CACNA2D3: variants seen among roughly 807,000 people sequenced by gnomAD.
CACNA2D3 encodes voltage-dependent calcium channel subunit alpha-2/delta-3.
In CACNA2D3, 60 loss-of-function variants were observed where a neutral mutation model predicts 160.6. That is an observed-to-expected ratio of 0.37 (90% CI 0.30 to 0.46). CACNA2D3 has a LOEUF of 0.46. Among genes scored for constraint, CACNA2D3 ranks in the 20% least tolerant of loss-of-function variants. CACNA2D3 has a pLI of 1.00. For missense variants in CACNA2D3, 1,205 were observed against 1,365.0 expected (o/e 0.88, Z 1.85); for synonymous variants, 558 against 492.9 (o/e 1.13, Z -1.75).
intron 3 of CACNA2D3, among the ~76,000 whole-genome samples, chr3:54,350,629 T>G (rs1005390050): frequency 1.3e-5 from 2 of 152,196 alleles, no homozygotes; most frequent in Non-Finnish European, 2.9e-5. Flanking sequence ...TCTAGAAGTT[T>G]CAAGATGATG....
At chr3:54,830,245 G>C (rs1395373198) in intron 14 of CACNA2D3, among the ~76,000 whole-genome samples, 1 of 151,180 alleles carries the variant, frequency 6.6e-6, no homozygotes. Flanking sequence ...GCCCAGCCCA[G>C]ATTCTGGTTA....
At chr3:55,036,292 C>A (rs1288647166) in intron 35 of CACNA2D3, among the ~76,000 whole-genome samples, 1 of 151,818 alleles carries the variant, frequency 6.6e-6, no homozygotes, top group East Asian at 2.0e-4. Flanking sequence ...ATTAAAAATA[C>A]CAGAATTAGC....
At chr3:55,068,226 A>G (rs572625940) in intron 35 of CACNA2D3, among the ~76,000 whole-genome samples, 1 of 152,300 alleles carries the variant, frequency 6.6e-6, no homozygotes, top group South Asian at 2.1e-4. Flanking sequence ...GCAGCCACAC[A>G]TTTATCTGTG....
chr3:54,588,751 G>A (rs9848802), intron 9 of CACNA2D3, among the ~76,000 whole-genome samples: 12,994 of 152,030 alleles, frequency 0.085, 1,800 homozygotes, highest in African/African-American at 0.3. Context: ...TATATAGGCT[G>A]TATTTGCTGA....
intron 2 of CACNA2D3, among the ~76,000 whole-genome samples, chr3:54,309,358 A>G (rs1337331067): frequency 6.6e-6 from 1 of 152,254 alleles, no homozygotes; most frequent in African/African-American, 2.4e-5. Flanking sequence ...GTTTTATACC[A>G]TAGAGCTACA....
intron 2 of CACNA2D3, among the ~76,000 whole-genome samples, chr3:54,192,953 G>A (rs555959723): frequency 2.1e-4 from 32 of 152,292 alleles, no homozygotes; most frequent in African/African-American, 7.0e-4. Context: ...AATGTTAACC[G>A]CAGCCCAGCA....
In CACNA2D3 at chr3:54,548,428, T is replaced by C. The variant is rs1030220344; in HGVS notation, c.545-14372T>C. The stretch of plus-strand genomic sequence containing the variant: ...GGAGGGAGGAGCCTTTTTCCACCCA[T>C]GGTTCAAGCAAGAGATCAAGATTTC... On this transcript the variant is annotated intron_variant, in intron 5 of 37. Transcript: ENST00000474759. Among the ~76,000 whole-genome samples, 6 of 152,160 alleles carry C rather than the reference T, an allele frequency of 3.9e-5. No homozygotes were observed. In the South Asian group the frequency reaches 1.2e-3, roughly 32 times the overall value.
At chr3:55,059,852 TCTC>T (rs1704462291) in intron 35 of CACNA2D3, among the ~76,000 whole-genome samples, 1 of 151,984 alleles carries the variant, frequency 6.6e-6, no homozygotes, top group Admixed American at 6.6e-5. Flanking sequence ...CCACACCCGT[TCTC>T]CTCTCCAACC....
intron 35 of CACNA2D3, among the ~76,000 whole-genome samples, chr3:55,067,683 C>T (rs1704693736): frequency 1.3e-5 from 2 of 152,074 alleles, no homozygotes; most frequent in African/African-American, 4.8e-5. Context: ...GGTGTGTAAC[C>T]TTCCTGACCT....
chr3:54,282,789 AG>A (rs1702910665), intron 2 of CACNA2D3, among the ~76,000 whole-genome samples: 1 of 152,194 alleles, frequency 6.6e-6, no homozygotes, highest in Admixed American at 6.5e-5. Flanking sequence ...AGAGAATAAA[AG>A]ACATCACTTT....
At chr3:54,929,967 C>T (rs112349812) in intron 27 of CACNA2D3, among the ~76,000 whole-genome samples, 64 of 152,242 alleles carry the variant, frequency 4.2e-4, no homozygotes, top group African/African-American at 1.4e-3. Context: ...CTCTCTCTTT[C>T]CCTGGGGTCA....
chr3:54,541,725 T>C (rs902762284), intron 5 of CACNA2D3, among the ~76,000 whole-genome samples: 2 of 152,152 alleles, frequency 1.3e-5, no homozygotes, highest in African/African-American at 4.8e-5. Flanking sequence ...TCATGAAGGA[T>C]GAAGAAAGAC....
chr3:54,330,013 T>C (rs747267736), intron 3 of CACNA2D3, among the ~76,000 whole-genome samples: 1 of 152,190 alleles, frequency 6.6e-6, no homozygotes, highest in Non-Finnish European at 1.5e-5. Context: ...TAGGAATTCA[T>C]TGGCATTTCA....
At chr3:54,647,989 T>C (rs2106858316) in intron 11 of CACNA2D3, among the ~76,000 whole-genome samples, 1 of 152,276 alleles carries the variant, frequency 6.6e-6, no homozygotes, top group East Asian at 1.9e-4. Context: ...CAGGACCTGC[T>C]CAGGAAATAA....
chr3:54,313,065 A>G (rs1703775252), intron 2 of CACNA2D3, among the ~76,000 whole-genome samples: 1 of 152,052 alleles, frequency 6.6e-6, no homozygotes, highest in Non-Finnish European at 1.5e-5. Flanking sequence ...TAGCACTAGG[A>G]TTTGGGGTGG....
At chr3:54,285,909 C>T (rs554895608) in intron 2 of CACNA2D3, among the ~76,000 whole-genome samples, 1 of 152,278 alleles carries the variant, frequency 6.6e-6, no homozygotes, top group South Asian at 2.1e-4. Flanking sequence ...AAAGGACATC[C>T]ACACCAAAAA....
chr3:54,866,428 T>G lies in CACNA2D3; in HGVS notation c.1627-5111T>G, dbSNP rs192307911. On this transcript the variant is annotated intron_variant, in intron 17 of 37. Transcript: ENST00000474759. Reference sequence around the variant, plus strand: ...ACTGCGGCTGCCTGGGAGAGAAACATCTGCCCCAGATAATCGCTGGCTGTC... The same window carrying G: ...ACTGCGGCTGCCTGGGAGAGAAACAGCTGCCCCAGATAATCGCTGGCTGTC... Among the ~76,000 whole-genome samples, 452 of 152,280 alleles carry G rather than the reference T, an allele frequency of 3.0e-3. 3 individuals are homozygous for G. The highest frequency in any genetic ancestry group is 0.01 in the African/African-American group (430 of 41,546).
chr3:55,017,359 T>C (rs1028094376), intron 34 of CACNA2D3, among the ~76,000 whole-genome samples: 2 of 152,186 alleles, frequency 1.3e-5, no homozygotes, highest in African/African-American at 4.8e-5. Context: ...TATACTATAG[T>C]GTCTATCATT....
chr3:54,554,882 T>TTTTG (rs1369237644), intron 5 of CACNA2D3, among the ~76,000 whole-genome samples: 8 of 145,284 alleles, frequency 5.5e-5, no homozygotes, highest in South Asian at 2.3e-4. Context: ...TTTTTTTTTT[T>TTTTG]TTTTTTTTTG....
Sources: gnomAD v4.1 joint callset for allele counts (sites outside exome capture counted in the v4.1 genomes callset) on GRCh38, gnomAD v4.1.1 for gene constraint, MANE v1.5 for transcripts, NCBI Gene and HGNC (gene_info 2026-07-23, HGNC 2026-07-21) for gene names.